WWOX: variants seen among roughly 807,000 people sequenced by gnomAD.
WWOX encodes the protein WW domain-containing oxidoreductase.
In WWOX, 69 loss-of-function variants were observed where a neutral mutation model predicts 46.2. That is an observed-to-expected ratio of 1.49 (90% CI 1.23 to 1.82). The LOEUF (loss-of-function observed/expected upper bound fraction) is 1.82, where lower values mean the gene tolerates loss of function less well. Among genes scored for constraint, WWOX ranks in the 40% most tolerant of loss-of-function variants. WWOX has a pLI of 0.00. For missense variants in WWOX, 919 were observed against 542.6 expected (o/e 1.69, Z -6.89); for synonymous variants, 359 against 202.6 (o/e 1.77, Z -6.56).
intron 5 of WWOX, among the ~76,000 whole-genome samples, chr16:78,173,958 TGAGA>T (rs111730428): frequency 1.4e-4 from 21 of 145,976 alleles, no homozygotes; most frequent in Non-Finnish European, 2.9e-4. Context: ...TGAGAGGAAT[TGAGA>T]GAGAGAGAGA....
intron 8 of WWOX, among the ~76,000 whole-genome samples, chr16:79,061,154 A>G (rs1279319105): frequency 6.6e-6 from 1 of 152,212 alleles, no homozygotes; most frequent in African/African-American, 2.4e-5. Context: ...GTTGAGGGAG[A>G]AATGATAACC....
intron 8 of WWOX, chr16:79,106,629 G>C: frequency 1.0e-5 from 1 of 99,586 alleles, no homozygotes; most frequent in Non-Finnish European, 1.8e-5. Flanking sequence ...GAACGGTCTG[G>C]TTCTGTCACC....
At chr16:78,978,473 G>A (rs560790870) in intron 8 of WWOX, among the ~76,000 whole-genome samples, 2 of 152,174 alleles carry the variant, frequency 1.3e-5, no homozygotes, top group African/African-American at 2.4e-5. Context: ...AGGGGTTCCA[G>A]TTTCTCACAC....
chr16:79,195,675 T>A (rs555489769), intron 8 of WWOX, among the ~76,000 whole-genome samples: 1 of 152,326 alleles, frequency 6.6e-6, no homozygotes, highest in South Asian at 2.1e-4. Context: ...GTAAGCCAGC[T>A]TGTCTAGACC....
intron 8 of WWOX, among the ~76,000 whole-genome samples, chr16:78,784,376 G>T (rs1054309581): frequency 2.0e-5 from 3 of 152,006 alleles, no homozygotes; most frequent in Admixed American, 1.3e-4. Context: ...GAAGACTAAA[G>T]AATCAGAAAT....
intron 8 of WWOX, among the ~76,000 whole-genome samples, chr16:78,783,262 C>T (rs1345134471): frequency 6.6e-6 from 1 of 152,206 alleles, no homozygotes; most frequent in African/African-American, 2.4e-5. Flanking sequence ...TTTCAACAGG[C>T]TCCTGTTAAG....
rs189382633 is a variant in WWOX, at chr16:78,532,946, G to A, written c.1056+100194G>A. On this transcript the variant is annotated intron_variant, in intron 8 of 8. Coordinates refer to ENST00000566780, the MANE Select transcript of WWOX (RefSeq NM_016373.4). ...TTAAAGGAAACCACCAAGGGACCAAGGCCTGATGAAGCAAGAGTAGGAGGG... is the reference window on the plus strand; with the variant it reads ...TTAAAGGAAACCACCAAGGGACCAAAGCCTGATGAAGCAAGAGTAGGAGGG... 4.6e-5 allele frequency among the ~76,000 whole-genome samples: 7 copies of A among 152,308 alleles called. No individual in the cohort carries two copies. The East Asian group carries it at 1.2e-3, about 25-fold the overall frequency.
intron 8 of WWOX, among the ~76,000 whole-genome samples, chr16:79,031,895 G>GATATATATATATAT (rs2047766402): frequency 4.5e-5 from 1 of 22,244 alleles, no homozygotes; most frequent in African/African-American, 1.3e-4. Flanking sequence ...TCTGTATACA[G>GATATATATATATAT]ATATCTATAT....
At chr16:78,682,995 G>T (rs1015235529) in intron 8 of WWOX, among the ~76,000 whole-genome samples, 1 of 152,140 alleles carries the variant, frequency 6.6e-6, no homozygotes, top group African/African-American at 2.4e-5. Flanking sequence ...TAAGATGTGA[G>T]ATTTCAATAA....
At chr16:79,207,344 A>G (rs1314947326) in intron 8 of WWOX, among the ~76,000 whole-genome samples, 1 of 152,230 alleles carries the variant, frequency 6.6e-6, no homozygotes, top group African/African-American at 2.4e-5. Flanking sequence ...CTTTCCTTTT[A>G]GCCAAACCTG....
At chr16:79,093,914 C>A (rs1273005207) in intron 8 of WWOX, among the ~76,000 whole-genome samples, 1 of 152,186 alleles carries the variant, frequency 6.6e-6, no homozygotes, top group African/African-American at 2.4e-5. Context: ...CTCTCTCCTT[C>A]CAAGAGAGAA....
intron 8 of WWOX, among the ~76,000 whole-genome samples, chr16:78,596,254 T>C (rs1212635051): frequency 6.6e-6 from 1 of 152,254 alleles, no homozygotes; most frequent in Admixed American, 6.5e-5. Flanking sequence ...TCTTTTCTTT[T>C]GTTCATTTGT....
chr16:78,227,648 G>A (rs535656855), intron 5 of WWOX, among the ~76,000 whole-genome samples: 13 of 152,194 alleles, frequency 8.5e-5, no homozygotes, highest in East Asian at 1.9e-4. Flanking sequence ...AGGCCTAGGC[G>A]GGTGGATCAC....
intron 8 of WWOX, among the ~76,000 whole-genome samples, chr16:79,114,612 C>T (rs2049477870): frequency 6.6e-6 from 1 of 152,064 alleles, no homozygotes; most frequent in Admixed American, 6.6e-5. Flanking sequence ...CCAGAGACAC[C>T]TTGAATTCAG....
At chr16:79,198,590 C>T (rs1567611981) in intron 8 of WWOX, among the ~76,000 whole-genome samples, 3 of 152,116 alleles carry the variant, frequency 2.0e-5, no homozygotes, top group Non-Finnish European at 2.9e-5. Context: ...TTGACAAATG[C>T]ATTGTGAGTG....
intron 8 of WWOX, chr16:78,551,243 C>G (rs914569470): frequency 6.6e-6 from 1 of 152,096 alleles, no homozygotes; most frequent in Non-Finnish European, 1.5e-5. Flanking sequence ...TTTGAAGAAA[C>G]CTAATGAAAA....
At chr16:78,434,951 T>G (rs564478896) in intron 8 of WWOX, among the ~76,000 whole-genome samples, 1 of 152,198 alleles carries the variant, frequency 6.6e-6, no homozygotes, top group Non-Finnish European at 1.5e-5. Context: ...TAAACATTTT[T>G]ATTTATTGGA....
intron 8 of WWOX, among the ~76,000 whole-genome samples, chr16:78,964,845 C>G (rs901349403): frequency 6.6e-6 from 1 of 152,178 alleles, no homozygotes; most frequent in Non-Finnish European, 1.5e-5. Context: ...TGCCCTGTGT[C>G]CCAGCCACTC....
At chr16:78,979,956 A>G (rs1472136552) in intron 8 of WWOX, among the ~76,000 whole-genome samples, 4 of 152,094 alleles carry the variant, frequency 2.6e-5, no homozygotes, top group South Asian at 2.1e-4. Flanking sequence ...GTGAAACCCC[A>G]TCTCTACTAA....
Sources: allele counts gnomAD v4.1 joint callset (sites outside exome capture counted in the v4.1 genomes callset), GRCh38; gene constraint gnomAD v4.1.1; transcripts MANE v1.5; gene names NCBI Gene and HGNC (gene_info 2026-07-23, HGNC 2026-07-21).